The following LAMA2 variants were observed in gnomAD, a reference collection of about 807,000 sequenced individuals.
LAMA2 encodes the protein laminin subunit alpha 2, also known as laminin subunit alpha-2.
Under a neutral mutation model 364.8 loss-of-function variants are expected in LAMA2, and 269 were observed. The observed-to-expected ratio is 0.74, with a 90% confidence interval of 0.67 to 0.82. The LOEUF (loss-of-function observed/expected upper bound fraction) is 0.82, where lower values mean the gene tolerates loss of function less well. Among genes scored for constraint, LAMA2 ranks in the 40% least tolerant of loss-of-function variants. The pLI is 0.00. For synonymous variants in LAMA2, 1,379 were observed against 1,370.6 expected, an observed-to-expected ratio of 1.01 and a Z score of -0.14; for missense variants, 3,807 against 3,873.2, an observed-to-expected ratio of 0.98 and a Z score of 0.45.
At chr6:129,019,909 C>G (rs1168594581) in intron 1 of LAMA2, among the ~76,000 whole-genome samples, 1 of 151,934 alleles carries the variant, frequency 6.6e-6, no homozygotes, top group African/African-American at 2.4e-5. Flanking sequence ...CATGGCGAAA[C>G]CCTGGTCTCT....
At chr6:129,169,288 G>T (rs974760480) in intron 9 of LAMA2, among the ~76,000 whole-genome samples, 7 of 147,930 alleles carry the variant, frequency 4.7e-5, no homozygotes, top group African/African-American at 1.8e-4. Flanking sequence ...GTATGATACT[G>T]GCTGTGGGTT....
chr6:128,883,543 A>C (rs746509226), intron 1 of LAMA2, among the ~76,000 whole-genome samples, 186 bp downstream of exon 1: 2 of 151,988 alleles, frequency 1.3e-5, no homozygotes, highest in Non-Finnish European at 2.9e-5. Flanking sequence ...GTGTAGGGGG[A>C]ATTACCTAAG....
chr6:129,264,076 C>A (rs969412962), intron 15 of LAMA2, among the ~76,000 whole-genome samples: 1 of 152,018 alleles, frequency 6.6e-6, no homozygotes, highest in Non-Finnish European at 1.5e-5. Flanking sequence ...GGCATTATGG[C>A]TACAGTAGGA....
chr6:129,354,155 A>G (rs995173096), intron 32 of LAMA2, among the ~76,000 whole-genome samples: 1 of 152,132 alleles, frequency 6.6e-6, no homozygotes, highest in Admixed American at 6.5e-5. Context: ...GCATGTCAAC[A>G]TTTCTTGTTT....
intron 34 of LAMA2, among the ~76,000 whole-genome samples, chr6:129,380,745 G>A (rs1181660626): frequency 6.6e-6 from 1 of 152,128 alleles, no homozygotes; most frequent in Non-Finnish European, 1.5e-5. Flanking sequence ...ACTATGCCAG[G>A]GAGGTTGATT....
intron 12 of LAMA2, among the ~76,000 whole-genome samples, chr6:129,216,415 A>AAC (rs956201167): frequency 2.0e-5 from 3 of 152,196 alleles, no homozygotes; most frequent in African/African-American, 7.2e-5. Context: ...AGTTATCTGA[A>AAC]TTGCCTTAAG....
intron 40 of LAMA2, among the ~76,000 whole-genome samples, chr6:129,413,742 A>G (rs1279413228): frequency 1.3e-5 from 2 of 152,220 alleles, no homozygotes; most frequent in Non-Finnish European, 2.9e-5. Flanking sequence ...TTTCACCTCA[A>G]AATTTGTGTG....
chr6:128,956,269 C>G, intron 1 of LAMA2, among the ~76,000 whole-genome samples: 1 of 151,968 alleles, frequency 6.6e-6, no homozygotes. Flanking sequence ...CAACCTGACT[C>G]TTCTGTGAAA....
intron 1 of LAMA2, among the ~76,000 whole-genome samples, chr6:128,960,662 T>C (rs1228447479): frequency 6.6e-6 from 1 of 152,122 alleles, no homozygotes. Flanking sequence ...GCCCAGCCGA[T>C]TTCTCTTTTC....
At chr6:129,018,687 A>G (rs1172167807) in intron 1 of LAMA2, among the ~76,000 whole-genome samples, 1 of 152,058 alleles carries the variant, frequency 6.6e-6, no homozygotes, top group East Asian at 1.9e-4. Flanking sequence ...TCAATTTTTA[A>G]TATCATCAAT....
chr6:129,480,574 T>A (rs9492329), intron 54 of LAMA2, among the ~76,000 whole-genome samples: 48,466 of 151,976 alleles, frequency 0.32, 8,330 homozygotes, highest in African/African-American at 0.45. Flanking sequence ...AATGAATGAA[T>A]GAATTATAGA....
intron 3 of LAMA2, among the ~76,000 whole-genome samples, chr6:129,079,277 ATTG>A (rs1473252497): frequency 1.5e-4 from 23 of 152,252 alleles, no homozygotes; most frequent in South Asian, 1.0e-3. Context: ...TTTATTAGTT[ATTG>A]TTGTTAAATC....
intron 1 of LAMA2, among the ~76,000 whole-genome samples, chr6:129,023,471 G>C (rs146216782): frequency 6.6e-6 from 1 of 152,050 alleles, no homozygotes; most frequent in Non-Finnish European, 1.5e-5. Context: ...TCTATTTCAA[G>C]TGTATTTTGA....
intron 1 of LAMA2, among the ~76,000 whole-genome samples, chr6:128,940,502 C>T (rs994856343): frequency 1.3e-5 from 2 of 152,004 alleles, no homozygotes; most frequent in South Asian, 2.1e-4. Flanking sequence ...AAATATTTGT[C>T]GGAAGGAATA....
At chr6:128,944,941 G>A (rs1257131567) in intron 1 of LAMA2, among the ~76,000 whole-genome samples, 2 of 152,018 alleles carry the variant, frequency 1.3e-5, no homozygotes, top group Non-Finnish European at 2.9e-5. Flanking sequence ...CTCCCACCAG[G>A]CCCCTCCCCT....
chr6:129,281,061 T>C (rs922929401), intron 18 of LAMA2, among the ~76,000 whole-genome samples: 1 of 152,072 alleles, frequency 6.6e-6, no homozygotes, highest in Admixed American at 6.6e-5. Flanking sequence ...AGCTAGCAAC[T>C]AGCAGTCTGT....
intron 38 of LAMA2, among the ~76,000 whole-genome samples, 192 bp from the exon 39 acceptor site, chr6:129,402,132 C>T (rs1384950214): frequency 3.4e-5 from 5 of 148,850 alleles, no homozygotes; most frequent in Non-Finnish European, 7.4e-5. Context: ...TTGCTTGAAC[C>T]AGGGAGGCAG....
rs770609784 is a variant in LAMA2 at position 129,491,963 on chromosome 6, C to T, written c.7961C>T (p.Pro2654Leu). The change falls in exon 57 of 65, where the codon CCT becomes CTT. Residue 2654 changes from proline (P) to leucine (L), a missense_variant. Transcript: ENST00000421865. ...ATGCAAAACCTGACAGTTGAACAGCCTATCGAAGTTAAAAAGCTTTTCGTT... is the reference window on the plus strand; with the variant it reads ...ATGCAAAACCTGACAGTTGAACAGCTTATCGAAGTTAAAAAGCTTTTCGTT... ...RYMQNLTVEQ[P>L]IEVKKLFVGG... The T allele has an allele frequency of 1.1e-5, 18 of 1,613,800 alleles. No individual in the cohort carries two copies. The highest frequency in any genetic ancestry group is 1.4e-5 in the Non-Finnish European group (17 of 1,179,758).
At chr6:129,149,470 C>G (rs1583139058) in intron 7 of LAMA2, among the ~76,000 whole-genome samples, 1 of 152,084 alleles carries the variant, frequency 6.6e-6, no homozygotes, top group African/African-American at 2.4e-5. Flanking sequence ...TAAATCAGCC[C>G]TAACCACATT....
Sources: gnomAD v4.1 joint callset for allele counts (sites outside exome capture counted in the v4.1 genomes callset) on GRCh38, gnomAD v4.1.1 for gene constraint, MANE v1.5 for transcripts, NCBI Gene and HGNC (gene_info 2026-07-23, HGNC 2026-07-21) for gene names.